TRAM1: variants seen among roughly 807,000 people sequenced by gnomAD.
TRAM1 encodes translocation associated membrane protein 1.
TRAM1 carries 17 observed loss-of-function variants against 48.7 expected under a neutral mutation model. The observed-to-expected ratio is 0.35, with a 90% confidence interval of 0.24 to 0.52. The LOEUF (loss-of-function observed/expected upper bound fraction) is 0.52, where lower values mean the gene tolerates loss of function less well. Ranked by LOEUF, TRAM1 falls within the 20% of genes least tolerant of loss-of-function variation. The pLI is 0.94. For missense variants in TRAM1, 351 were observed against 441.5 expected (o/e 0.79, Z 1.84); for synonymous variants, 182 against 154.0 (o/e 1.18, Z -1.34).
At chr8:70,583,433 T>C (rs962782438) in intron 9 of TRAM1, 109 bp from the exon 10 acceptor site, 7 of 1,351,596 alleles carry the variant, frequency 5.2e-6, no homozygotes, top group South Asian at 1.5e-5. Context: ...GTTGAGAAAA[T>C]TGTATTAATA....
Position 70,574,914 on chromosome 8 carries a change from CAATT to C in TRAM1, c.*14_*17del. The C allele has an allele frequency of 6.6e-7, 1 of 1,506,188 alleles. No individual in the cohort carries two copies. The highest frequency in any genetic ancestry group is 1.1e-5 in the South Asian group (1 of 87,044). 93.3% of individuals were successfully genotyped at this position (1,506,188 alleles called of 1,614,324 possible). A position where few individuals can be genotyped will look rare whatever the true frequency, so the allele number is the denominator to read the frequency against. On this transcript the variant is annotated 3_prime_UTR_variant, in exon 11 of 11. Coordinates refer to ENST00000262213, the MANE Select transcript of TRAM1 (RefSeq NM_014294.6). ...AGCAGATTTCTTTGGGGACATTAAT[CAATT>C]AGTTTATAATTCATTATGAAGATTT... is the stretch of plus-strand genomic sequence containing the variant.
chr8:70,598,051 A>G, intron 3 of TRAM1, 40 bp from the exon 4 acceptor site: 1 of 1,518,234 alleles, frequency 6.6e-7, no homozygotes, highest in South Asian at 1.3e-5. Context: ...AGAATAAATT[A>G]TAAATTATAT....
At chr8:70,600,142 CG>C in intron 1 of TRAM1, 60 bp from the exon 2 acceptor site, 1 of 1,387,390 alleles carries the variant, frequency 7.2e-7, no homozygotes, top group Non-Finnish European at 1.0e-6. Flanking sequence ...AATAACAGAT[CG>C]GGGCAAAAAC....
At chr8:70,588,380 G>A (rs995852499) in intron 6 of TRAM1, among the ~76,000 whole-genome samples, 24 of 152,218 alleles carry the variant, frequency 1.6e-4, no homozygotes, top group African/African-American at 4.6e-4. Flanking sequence ...GAAGCCAGGC[G>A]TTTGAGTCTA....
At position 70,597,883 on chromosome 8, in the gene TRAM1, G is replaced by C. The variant is rs551412288; in HGVS notation, c.426+12C>G. ...AAGGAAGGAGAACAACAACCTAAGA[G>C]GACATACTTACAGAGATGAGAATGA... On this transcript the variant is annotated intron_variant, in intron 4 of 10. Transcript: ENST00000262213. 7.0e-6 allele frequency: 11 copies of C among 1,563,910 alleles called. No individual in the cohort carries two copies. The highest frequency in any genetic ancestry group is 1.7e-5 in the Admixed American group (1 of 58,196).
chr8:70,602,900 G>A (rs1355653472), intron 1 of TRAM1, among the ~76,000 whole-genome samples: 1 of 152,202 alleles, frequency 6.6e-6, no homozygotes, highest in African/African-American at 2.4e-5. Flanking sequence ...ACTAGGTAGA[G>A]CACTGACTTA....
At chr8:70,591,969 G>A (rs933058823) in intron 6 of TRAM1, among the ~76,000 whole-genome samples, 3 of 152,132 alleles carry the variant, frequency 2.0e-5, no homozygotes, top group East Asian at 1.9e-4. Flanking sequence ...TAACATCAAA[G>A]TTGCATATGA....
At chr8:70,595,564 A>G (rs1817469036) in intron 5 of TRAM1, among the ~76,000 whole-genome samples, 1 of 152,154 alleles carries the variant, frequency 6.6e-6, no homozygotes, top group Admixed American at 6.5e-5. Flanking sequence ...AGGATATAAA[A>G]TAGTTTTTAC....
At chr8:70,581,433 A>C (rs1415568208) in intron 10 of TRAM1, among the ~76,000 whole-genome samples, 1 of 152,226 alleles carries the variant, frequency 6.6e-6, no homozygotes, top group East Asian at 1.9e-4. Context: ...ATGATTTTTG[A>C]AAAGGGTATC....
chr8:70,581,346 G>C (rs956157961), intron 10 of TRAM1, among the ~76,000 whole-genome samples: 1 of 152,226 alleles, frequency 6.6e-6, no homozygotes, highest in African/African-American at 2.4e-5. Context: ...AATCAAGATA[G>C]TGTGGTTCTG....
At chr8:70,591,915 C>T (rs1019239634) in intron 6 of TRAM1, among the ~76,000 whole-genome samples, 11 of 151,670 alleles carry the variant, frequency 7.3e-5, no homozygotes, top group African/African-American at 2.4e-4. Context: ...AAAATGTCAT[C>T]AGATTAAAAA....
In TRAM1 at chr8:70,608,136, T is replaced by C; in HGVS notation, c.64A>G (p.Asn22Asp). The C allele has an allele frequency of 6.3e-7, 1 of 1,599,614 alleles. No homozygotes were observed. Among genetic ancestry groups the C allele is most frequent in the Non-Finnish European group, 8.5e-7 (1 of 1,173,968 alleles). ...PVLSHEFVLQ[N>D]HADIVSCVAM... ...ACACAGGAGACGATGTCCGCGTGATTCTGCAGGACGAATTCGTGGCTCAGC... is the reference window on the plus strand; with the variant it reads ...ACACAGGAGACGATGTCCGCGTGATCCTGCAGGACGAATTCGTGGCTCAGC... The change falls in exon 1 of 11, where the codon AAT (asparagine) becomes GAT (aspartate). Residue 22 changes from asparagine (N) to aspartate (D), a missense_variant. By Grantham distance (23) the Asn-to-Asp change is conservative (BLOSUM62 1). Transcript: ENST00000262213.
chr8:70,590,822 T>C (rs796662687), intron 6 of TRAM1, among the ~76,000 whole-genome samples: 50 of 152,366 alleles, frequency 3.3e-4, no homozygotes, highest in African/African-American at 1.1e-3. Flanking sequence ...TTCTAAGTAA[T>C]GGTCCATTCA....
intron 1 of TRAM1, 60 bp downstream of exon 1, chr8:70,608,017 G>GGAGCCC: frequency 2.0e-6 from 3 of 1,498,084 alleles, no homozygotes; most frequent in East Asian, 5.3e-5. Flanking sequence ...GCTGGCATCT[G>GGAGCCC]GAGCCCGGGC....
chr8:70,593,246 C>T (rs1204977804), intron 6 of TRAM1, among the ~76,000 whole-genome samples: 1 of 151,958 alleles, frequency 6.6e-6, no homozygotes, highest in African/African-American at 2.4e-5. Flanking sequence ...ACACAGAACA[C>T]AGACACGAAA....
chr8:70,599,471 TTAAGAAA>T (rs2132042909), intron 2 of TRAM1, among the ~76,000 whole-genome samples: 1 of 152,294 alleles, frequency 6.6e-6, no homozygotes, highest in African/African-American at 2.4e-5. Context: ...TTTACATAGA[TTAAGAAA>T]TAAGATTTTT....
At chr8:70,584,780 G>C (rs1469916380) in intron 8 of TRAM1, among the ~76,000 whole-genome samples, 3 of 151,898 alleles carry the variant, frequency 2.0e-5, no homozygotes, top group African/African-American at 7.3e-5. Flanking sequence ...AAATAAAAGA[G>C]GATACAAACA....
chr8:70,603,709 T>G (rs1296627417), intron 1 of TRAM1, among the ~76,000 whole-genome samples: 1 of 152,164 alleles, frequency 6.6e-6, no homozygotes, highest in Admixed American at 6.5e-5. Flanking sequence ...AGAGTGAGGC[T>G]CCATCTCAAA....
intron 10 of TRAM1, among the ~76,000 whole-genome samples, chr8:70,575,525 G>A (rs931521597): frequency 7.9e-5 from 12 of 151,972 alleles, no homozygotes; most frequent in Non-Finnish European, 1.8e-4. Flanking sequence ...GACCAGTGAT[G>A]CTCCCGGGGA....
Sources: gnomAD v4.1 joint callset for allele counts (sites outside exome capture counted in the v4.1 genomes callset) on GRCh38, gnomAD v4.1.1 for gene constraint, MANE v1.5 for transcripts, NCBI Gene and HGNC (gene_info 2026-07-23, HGNC 2026-07-21) for gene names.